SAE1: variants seen among roughly 807,000 people sequenced by gnomAD.
SAE1 encodes the protein SUMO-activating enzyme subunit 1.
Under a neutral mutation model 40.6 loss-of-function variants are expected in SAE1, and 11 were observed. The observed-to-expected ratio is 0.27, with a 90% CI of 0.17 to 0.45. SAE1 has a LOEUF of 0.45. Among genes scored for constraint, SAE1 ranks in the 20% least tolerant of loss-of-function variants. The probability of loss-of-function intolerance (pLI) is 1.00; values close to 1 mark genes in which losing one functional copy is unlikely to be tolerated. For synonymous variants in SAE1, 155 were observed against 154.3 expected, an observed-to-expected ratio of 1.00 and a Z score of -0.03; for missense variants, 373 against 427.3, an observed-to-expected ratio of 0.87 and a Z score of 1.12.
rs2058621959 is a variant in SAE1 at position 47,197,246 on chromosome 19, C to T, written c.747C>T (p.Phe249=). 4.3e-6 allele frequency: 7 copies of T among 1,612,256 alleles called. No individual in the cohort carries two copies. The highest frequency in any genetic ancestry group is 5.9e-6 in the Non-Finnish European group (7 of 1,179,472). ...DYFLLQVLLK[F]RTDKGRDPSS... ...TCTTATTCCCAGTGCTCTTAAAGTT[C>T]CGTACAGATAAAGGAAGAGATCCCA... The change falls in exon 7 of 9, where the codon TTC becomes TTT. Residue 249 remains phenylalanine (F), a synonymous_variant. Coordinates refer to ENST00000270225, the MANE Select transcript of SAE1 (RefSeq NM_005500.3).
intron 3 of SAE1, 71 bp from the exon 4 acceptor site, chr19:47,152,827 T>A: frequency 6.9e-7 from 1 of 1,442,790 alleles, no homozygotes; most frequent in South Asian, 1.2e-5. Context: ...TCATTAAGAT[T>A]TATTTAGACA....
intron 7 of SAE1, among the ~76,000 whole-genome samples, chr19:47,197,843 C>T (rs1360459317): frequency 6.6e-6 from 1 of 152,170 alleles, no homozygotes; most frequent in Non-Finnish European, 1.5e-5. Flanking sequence ...TTGTGTCGTA[C>T]GTGTGCAGGT....
At chr19:47,139,586 CTTTTT>C (rs71179299) in intron 1 of SAE1, among the ~76,000 whole-genome samples, 3 of 122,796 alleles carry the variant, frequency 2.4e-5, no homozygotes, top group African/African-American at 3.2e-5. Context: ...GAATGTGTAT[CTTTTT>C]TTTTTTTTTT....
At chr19:47,190,288 G>A (rs2058570763) in intron 6 of SAE1, among the ~76,000 whole-genome samples, 1 of 152,216 alleles carries the variant, frequency 6.6e-6, no homozygotes, top group Non-Finnish European at 1.5e-5. Context: ...TAACGGAACA[G>A]TTTTATAATG....
At chr19:47,146,290 C>A (rs2058255206) in intron 2 of SAE1, among the ~76,000 whole-genome samples, 1 of 152,048 alleles carries the variant, frequency 6.6e-6, no homozygotes, top group Admixed American at 6.6e-5. Flanking sequence ...TTTCAAATGA[C>A]AGGAAGGGTG....
chr19:47,142,266 C>A (rs549722851), intron 1 of SAE1, among the ~76,000 whole-genome samples: 1 of 152,024 alleles, frequency 6.6e-6, no homozygotes, highest in South Asian at 2.1e-4. Context: ...CGCCTGTAAT[C>A]CCAGCTACTC....
chr19:47,189,553 T>A (rs1399248936), intron 6 of SAE1, among the ~76,000 whole-genome samples: 1 of 151,860 alleles, frequency 6.6e-6, no homozygotes, highest in East Asian at 1.9e-4. Context: ...AGAGCGAGAC[T>A]CTGTCTTAAA....
chr19:47,175,823 C>T (rs912824649), intron 6 of SAE1, among the ~76,000 whole-genome samples: 2 of 152,164 alleles, frequency 1.3e-5, no homozygotes, highest in Non-Finnish European at 2.9e-5. Context: ...AACAGGATCA[C>T]CACCATAGTA....
chr19:47,134,997 T>G (rs1257014759), intron 1 of SAE1, among the ~76,000 whole-genome samples: 9 of 152,126 alleles, frequency 5.9e-5, no homozygotes, highest in Non-Finnish European at 1.3e-4. Flanking sequence ...TTAAAGTGTT[T>G]TTTGTCCATT....
chr19:47,182,950 C>T (rs532205676), intron 6 of SAE1, among the ~76,000 whole-genome samples: 1 of 152,236 alleles, frequency 6.6e-6, no homozygotes, highest in South Asian at 2.1e-4. Context: ...CAGTCTCGTT[C>T]TGTCAGCCAG....
intron 5 of SAE1, among the ~76,000 whole-genome samples, chr19:47,166,223 G>T (rs1568596361): frequency 6.6e-6 from 1 of 152,156 alleles, no homozygotes; most frequent in African/African-American, 2.4e-5. Context: ...ACACTCAAGT[G>T]CAGAGCCACC....
chr19:47,210,097 T>C lies in SAE1; in HGVS notation c.*846T>C, dbSNP rs906128418. On this transcript the variant is annotated 3_prime_UTR_variant, in exon 9 of 9. Coordinates refer to ENST00000270225, the MANE Select transcript of SAE1 (RefSeq NM_005500.3). ...TTCAGGGCTATGTTGGTCCTTTGTT[T>C]ACCTCCTAAACCACAGCTGTTTGTG... is the stretch of plus-strand genomic sequence containing the variant. 2.6e-5 allele frequency: 4 copies of C among 152,216 alleles called. No homozygotes were observed. The highest frequency in any genetic ancestry group is 5.9e-5 in the Non-Finnish European group (4 of 68,044). 9.4% of individuals were successfully genotyped at this position (152,216 alleles called of 1,614,324 possible).
At chr19:47,143,417 T>G (rs528397860) in intron 1 of SAE1, 77 bp from the exon 2 acceptor site, 17 of 1,209,166 alleles carry the variant, frequency 1.4e-5, no homozygotes, top group Non-Finnish European at 2.0e-5. Context: ...CCAAAATGAT[T>G]TGTGTATTTT....
At position 47,203,647 on chromosome 19, in the gene SAE1, T is replaced by A. The variant is rs762071032; in HGVS notation, c.879-24T>A. On this transcript the variant is annotated intron_variant, in intron 7 of 8. Transcript: ENST00000270225. ...CACAGTTCTGTTCCCAGTGCTCCAT[T>A]TTCCTTGTCTTCCTCTCTTTTAGGT... 7.5e-6 allele frequency: 12 copies of A among 1,610,544 alleles called. No individual in the cohort carries two copies. The South Asian group carries it at 1.2e-4, about 16-fold the overall frequency.
At chr19:47,195,674 T>C (rs1002321587) in intron 6 of SAE1, among the ~76,000 whole-genome samples, 2 of 151,474 alleles carry the variant, frequency 1.3e-5, no homozygotes, top group South Asian at 2.1e-4. Flanking sequence ...CCTTTCCCTT[T>C]CCCTTCCCCT....
In SAE1 at chr19:47,139,406, G is replaced by A. The variant is rs118004379; in HGVS notation, c.99-4088G>A. Among the ~76,000 whole-genome samples the A allele has an allele frequency of 7.9e-3, 1,199 of 151,824 alleles. 5 individuals carry two copies. The highest frequency in any genetic ancestry group is 0.011 in the Non-Finnish European group (742 of 67,940). On this transcript the variant is annotated intron_variant, in intron 1 of 8. Transcript: ENST00000270225. ...TTACTTTGTTGCCCAGGCTGGTTTC[G>A]AACTCATGGGCTCAAGTGATCCTCA...
intron 5 of SAE1, among the ~76,000 whole-genome samples, chr19:47,161,979 G>A (rs891798097): frequency 1.1e-4 from 17 of 152,192 alleles, no homozygotes; most frequent in African/African-American, 3.9e-4. Context: ...ACAGCTGGCT[G>A]TTTAAATTAA....
At chr19:47,201,360 CTTTTTTTTTTTT>C (rs57568797) in intron 7 of SAE1, among the ~76,000 whole-genome samples, 1,703 of 66,294 alleles carry the variant, frequency 0.026, 67 homozygotes, top group African/African-American at 0.1. Context: ...TATCTGGTTC[CTTTTTTTTTTTT>C]TTTTTTTTTT....
intron 6 of SAE1, among the ~76,000 whole-genome samples, chr19:47,180,648 C>T (rs569248129): frequency 1.7e-4 from 26 of 152,110 alleles, no homozygotes; most frequent in African/African-American, 6.3e-4. Context: ...CAAAACGAGA[C>T]CCCATCTCTA....
Sources: allele counts gnomAD v4.1 joint callset (sites outside exome capture counted in the v4.1 genomes callset), GRCh38; gene constraint gnomAD v4.1.1; transcripts MANE v1.5; gene names NCBI Gene and HGNC (gene_info 2026-07-23, HGNC 2026-07-21).